The following ITPR2 variants were observed in gnomAD, a reference collection of about 807,000 sequenced individuals.
ITPR2 encodes the protein inositol 1,4,5-trisphosphate-gated calcium channel ITPR2.
In ITPR2, 207 loss-of-function variants were observed where a neutral mutation model predicts 317.1. That is an observed-to-expected ratio of 0.65 (90% CI 0.58 to 0.73). The LOEUF (loss-of-function observed/expected upper bound fraction) is 0.73. Among genes scored for constraint, ITPR2 ranks in the 30% least tolerant of loss-of-function variants. The probability of loss-of-function intolerance (pLI) is 0.00; values close to 1 mark genes in which losing one functional copy is unlikely to be tolerated. For missense variants in ITPR2, 2,613 were observed against 3,284.0 expected, an observed-to-expected ratio of 0.80 and a Z score of 4.99; for synonymous variants, 1,156 against 1,149.1, an observed-to-expected ratio of 1.01 and a Z score of -0.12.
At chr12:26,358,536 G>A (rs1457296878) in intron 55 of ITPR2, among the ~76,000 whole-genome samples, 1 of 152,050 alleles carries the variant, frequency 6.6e-6, no homozygotes, top group Non-Finnish European at 1.5e-5. Flanking sequence ...TGAAGAGCTG[G>A]CAACAATTTG....
intron 42 of ITPR2, among the ~76,000 whole-genome samples, chr12:26,482,253 T>C (rs1040614232): frequency 6.6e-6 from 1 of 152,262 alleles, no homozygotes; most frequent in Non-Finnish European, 1.5e-5. Context: ...AGAATCTTTT[T>C]GCAGATCATC....
chr12:26,677,309 T>C (rs954444370), intron 13 of ITPR2, among the ~76,000 whole-genome samples: 25 of 152,116 alleles, frequency 1.6e-4, no homozygotes, highest in African/African-American at 5.6e-4. Context: ...CAAATGAAAA[T>C]AGACTATCAG....
At chr12:26,656,572 AT>A (rs751378059) in intron 18 of ITPR2, 24 bp from the exon 19 acceptor site, 4 of 1,611,636 alleles carry the variant, frequency 2.5e-6, no homozygotes, top group Non-Finnish European at 3.4e-6. Flanking sequence ...AACATATTAC[AT>A]TATTGTCTTA....
rs141938268 is a variant in ITPR2, at chr12:26,725,616, G to A, written c.279+34C>T. On this transcript the variant is annotated intron_variant, in intron 3 of 56. Transcript: ENST00000381340. ...TTTTTATTATTGCTGTACTTGGTTA[G>A]CCTAAGCCAGACAATTGGAATCCTG... 8.5e-5 allele frequency: 121 copies of A among 1,425,100 alleles called. No homozygotes were observed. The East Asian group carries it at 2.7e-3, about 31-fold the overall frequency. The allele number at this position is 1,425,100 out of a possible 1,614,324, so 88.3% of individuals were successfully genotyped here.
rs1196750165 is a variant in ITPR2, at chr12:26,475,443, G to T, written c.6220-25C>A. ...CCTATCCAAAAAAAAAAAGAATATT[G>T]AAATGCCAGAAACAACATCTGCTTT... On this transcript the variant is annotated intron_variant, in intron 44 of 56. Transcript: ENST00000381340. The T allele has an allele frequency of 2.5e-6, 4 of 1,596,862 alleles. No homozygotes were observed. The African/African-American group carries it at 5.4e-5, about 22-fold the overall frequency.
chr12:26,512,760 A>T (rs1196639912), intron 37 of ITPR2, among the ~76,000 whole-genome samples: 1 of 151,998 alleles, frequency 6.6e-6, no homozygotes, highest in Admixed American at 6.5e-5. Context: ...TCTTACATTG[A>T]CTGAGACCTG....
At chr12:26,761,855 G>C (rs900820400) in intron 2 of ITPR2, among the ~76,000 whole-genome samples, 1 of 151,956 alleles carries the variant, frequency 6.6e-6, no homozygotes, top group African/African-American at 2.4e-5. Flanking sequence ...ACAAAAACCA[G>C]GAAAACAATT....
intron 45 of ITPR2, among the ~76,000 whole-genome samples, chr12:26,454,462 T>G (rs1465723716): frequency 6.6e-6 from 1 of 152,174 alleles, no homozygotes; most frequent in African/African-American, 2.4e-5. Flanking sequence ...CACCTCGGCC[T>G]CCCAAAGTGC....
chr12:26,432,978 C>T (rs1941254817), intron 48 of ITPR2, among the ~76,000 whole-genome samples: 1 of 152,212 alleles, frequency 6.6e-6, no homozygotes, highest in African/African-American at 2.4e-5. Flanking sequence ...AGAGAACCTT[C>T]ACCACCAGCA....
In ITPR2 at chr12:26,542,206, C is replaced by T. The variant is rs528787564; in HGVS notation, c.5073+8041G>A. On this transcript the variant is annotated intron_variant, in intron 37 of 56. Transcript: ENST00000381340. ...CGTGATCACAAGGTGGGTGTCAAGC[C>T]TTTCCTGGGCAGCTCACTGAATAAA... Among the ~76,000 whole-genome samples, 3 of 152,316 alleles carry T rather than the reference C, an allele frequency of 2.0e-5. No individual in the cohort carries two copies. In the South Asian group the frequency reaches 6.2e-4, roughly 32 times the overall value.
chr12:26,448,122 G>A (rs551811933), intron 45 of ITPR2, among the ~76,000 whole-genome samples: 1 of 152,074 alleles, frequency 6.6e-6, no homozygotes, highest in South Asian at 2.1e-4. Context: ...TCTGTGGTGA[G>A]TTGTAACAAT....
intron 10 of ITPR2, among the ~76,000 whole-genome samples, chr12:26,695,083 A>G (rs1948314228): frequency 6.6e-6 from 1 of 152,210 alleles, no homozygotes; most frequent in African/African-American, 2.4e-5. Flanking sequence ...TGATGGAGTA[A>G]TAATACCTAC....
At chr12:26,546,736 T>C (rs10842754) in intron 37 of ITPR2, among the ~76,000 whole-genome samples, 125,826 of 151,526 alleles carry the variant, frequency 0.83, 52,450 homozygotes, top group Non-Finnish European at 0.88. Context: ...AATGAAGAAT[T>C]CAGGAACAAA....
chr12:26,656,213 CAT>C (rs1947364585), intron 19 of ITPR2, 82 bp downstream of exon 19: 26 of 1,522,620 alleles, frequency 1.7e-5, no homozygotes, highest in Admixed American at 3.7e-5. Flanking sequence ...TGCCTTTCCA[CAT>C]GTTTCATTTC....
At chr12:26,405,994 G>C (rs184697655) in intron 52 of ITPR2, among the ~76,000 whole-genome samples, 1 of 152,162 alleles carries the variant, frequency 6.6e-6, no homozygotes, top group African/African-American at 2.4e-5. Context: ...CCTCTTGCCT[G>C]TCAGTCTTAA....
At chr12:26,696,552 A>G (rs550364878) in intron 9 of ITPR2, among the ~76,000 whole-genome samples, 2 of 152,314 alleles carry the variant, frequency 1.3e-5, no homozygotes, top group South Asian at 4.1e-4. Context: ...TCTGAAAAAA[A>G]CAAAAGCAAA....
intron 45 of ITPR2, among the ~76,000 whole-genome samples, chr12:26,471,772 A>T (rs1282475480): frequency 6.6e-6 from 1 of 152,228 alleles, no homozygotes; most frequent in Non-Finnish European, 1.5e-5. Flanking sequence ...ACTAAACTGT[A>T]CAAAGCCAGA....
chr12:26,476,461 C>T (rs1942418885), intron 44 of ITPR2, among the ~76,000 whole-genome samples: 2 of 152,156 alleles, frequency 1.3e-5, no homozygotes, highest in African/African-American at 4.8e-5. Flanking sequence ...GCACAGTTTC[C>T]TTGAGGCCAA....
chr12:26,349,391 C>T (rs1004584747), intron 55 of ITPR2, among the ~76,000 whole-genome samples: 1 of 152,116 alleles, frequency 6.6e-6, no homozygotes, highest in Non-Finnish European at 1.5e-5. Context: ...TGTTAGATTC[C>T]TGTAAATGTG....
Sources: gnomAD v4.1 joint callset for allele counts (sites outside exome capture counted in the v4.1 genomes callset) on GRCh38, gnomAD v4.1.1 for gene constraint, MANE v1.5 for transcripts, NCBI Gene and HGNC (gene_info 2026-07-23, HGNC 2026-07-21) for gene names.